The following ZBTB47 variants were observed in gnomAD, a reference collection of about 807,000 sequenced individuals.
ZBTB47 encodes the protein zinc finger and BTB domain containing 47, also known as zinc finger and BTB domain-containing protein 47.
In ZBTB47, 24 loss-of-function variants were observed where a neutral mutation model predicts 56.6. The ratio of observed to expected loss-of-function variants is 0.42; its 90% CI spans 0.31 to 0.60. The LOEUF is 0.60. Ranked by LOEUF, ZBTB47 falls within the 20% of genes least tolerant of loss-of-function variation. The pLI, the probability that ZBTB47 is intolerant of heterozygous loss-of-function variation, is 0.14. For synonymous variants in ZBTB47, 414 were observed against 418.9 expected (o/e 0.99, Z 0.14); for missense variants, 829 against 1,032.6 (o/e 0.80, Z 2.70).
rs1710668196 is a variant in ZBTB47, at chr3:42,658,636, C to T, written c.281C>T (p.Ser94Leu). 3 of 1,536,802 alleles carry T rather than the reference C, an allele frequency of 2.0e-6. No homozygotes were observed. Among genetic ancestry groups the T allele is most frequent in the African/African-American group, 2.7e-5 (2 of 73,074 alleles). The change falls in exon 2 of 6, where the codon TCA becomes TTA. Residue 94 changes from serine (S) to leucine (L), a missense_variant. By Grantham distance (145) the Ser-to-Leu change is moderately radical (BLOSUM62 -2). Coordinates refer to ENST00000232974, the MANE Select transcript of ZBTB47 (RefSeq NM_145166.4). ...GTCCACGAGGTGCTCAGCGCCGCCT[C>T]ATTGCTGCAGATGGCTGACATCGCT... ...ANVHEVLSAA[S>L]LLQMADIAAS... is the part of the protein sequence containing the mutation.
In ZBTB47 at chr3:42,654,134, C is replaced by T. The variant is rs1710603892; in HGVS notation, c.-82+251C>T. ...CGGATCCGGGGCCCGGCGCGCTCAGCTTCCTGATTTCACGGCAGCTTCCTA... is the reference window on the plus strand; with the variant it reads ...CGGATCCGGGGCCCGGCGCGCTCAGTTTCCTGATTTCACGGCAGCTTCCTA... On this transcript the variant is annotated intron_variant, in intron 1 of 5. Transcript: ENST00000232974. This position sits in a 1 kb window ranked among gnomAD's most constrained non-coding sequence, Gnocchi z 5.0. 1 of 152,100 alleles carries T rather than the reference C, an allele frequency of 6.6e-6. No individual in the cohort carries two copies. The highest frequency in any genetic ancestry group is 2.1e-4 in the South Asian group (1 of 4,824). The allele number at this position is 152,100 out of a possible 1,614,324, so 9.4% of individuals were successfully genotyped here.
chr3:42,654,599 C>G lies in ZBTB47; in HGVS notation c.-82+716C>G, dbSNP rs539437010. 1.9e-4 allele frequency: 168 copies of G among 861,618 alleles called. No homozygotes were observed. In the East Asian group the frequency reaches 7.8e-3, roughly 40 times the overall value. 53.4% of individuals were successfully genotyped at this position (861,618 alleles called of 1,614,324 possible). ...GTCGCGGGGCCCTGCGCGGGGGCGGCCCCCAGCGCGGCGCTTCATGGAGCG... is the reference window on the plus strand; with the variant it reads ...GTCGCGGGGCCCTGCGCGGGGGCGGGCCCCAGCGCGGCGCTTCATGGAGCG... On this transcript the variant is annotated intron_variant, in intron 1 of 5. Transcript: ENST00000232974. The surrounding 1 kb of genome is among the most constrained non-coding windows in gnomAD (Gnocchi z 5.0).
intron 1 of ZBTB47, among the ~76,000 whole-genome samples, chr3:42,657,945 G>A (rs566989025): frequency 6.6e-6 from 1 of 152,336 alleles, no homozygotes; most frequent in Admixed American, 6.5e-5. Context: ...AACCTGGATG[G>A]TTGGTCACTG....
Position 42,658,629 on chromosome 3 carries a change from G to A in ZBTB47, c.274G>A (p.Ala92Thr). 4 of 1,536,878 alleles carry A rather than the reference G, an allele frequency of 2.6e-6. No homozygotes were observed. Among genetic ancestry groups the A allele is most frequent in the Non-Finnish European group, 3.5e-6 (4 of 1,146,918 alleles). The change falls in exon 2 of 6, where the codon GCC becomes ACC. Residue 92 changes from alanine (A) to threonine (T), a missense_variant. Physicochemically the swap from Ala to Thr is moderately conservative, Grantham distance 58. This residue lies in a region of ZBTB47 where 120 missense variants were observed against 200.2 expected (regional missense o/e 0.60). Transcript: ENST00000232974. ...GGCCAACGTCCACGAGGTGCTCAGCGCCGCCTCATTGCTGCAGATGGCTGA... is the reference window on the plus strand; with the variant it reads ...GGCCAACGTCCACGAGGTGCTCAGCACCGCCTCATTGCTGCAGATGGCTGA... ...NAANVHEVLS[A>T]ASLLQMADIA...
At position 42,664,586 on chromosome 3, in the gene ZBTB47, C is replaced by G. The variant is rs116538894; in HGVS notation, c.2232C>G (p.Asn744Lys). 18 of 1,372,882 alleles carry G rather than the reference C, an allele frequency of 1.3e-5. No homozygotes were observed. The South Asian group carries it at 2.7e-4, about 20-fold the overall frequency. The allele number at this position is 1,372,882 out of a possible 1,614,324, so 85.0% of individuals were successfully genotyped here. Residue 744 changes from asparagine to lysine, a missense_variant, in exon 6 of 6, where the codon AAC (asparagine) becomes AAG (lysine). Asn to Lys is a moderately conservative substitution (Grantham distance 94). Coordinates refer to ENST00000232974, the MANE Select transcript of ZBTB47 (RefSeq NM_145166.4). ...CTGCCAGCCCCGGCGGGAGGATGAACGCCAACAACTAGCTGCCGAGCTGCA... is the reference window on the plus strand; with the variant it reads ...CTGCCAGCCCCGGCGGGAGGATGAAGGCCAACAACTAGCTGCCGAGCTGCA... ...PTTASPGGRM[N>K]ANN
chr3:42,659,339 AGAGGAGGAG>A lies in ZBTB47; in HGVS notation c.987_995del (p.Glu333_Glu335del), dbSNP rs751294873. 1.4e-6 allele frequency: 2 copies of A among 1,445,822 alleles called. No homozygotes were observed. Among genetic ancestry groups the A allele is most frequent in the African/African-American group, 2.9e-5 (2 of 69,868 alleles). The allele number at this position is 1,445,822 out of a possible 1,614,324, so 89.6% of individuals were successfully genotyped here. On this transcript the variant is annotated inframe_deletion, in exon 2 of 6. Transcript: ENST00000232974. ...ACGGGCACAGTGAGCAGGAAGAGGAAGAGGAGGAGGAAGAGGAGGAAGGGCCTAGTGAGC... is the reference window on the plus strand; with the variant it reads ...ACGGGCACAGTGAGCAGGAAGAGGAAGAAGAGGAGGAAGGGCCTAGTGAGC...
Position 42,654,251 on chromosome 3 carries a change from G to C in ZBTB47, c.-82+368G>C, listed in dbSNP as rs1361565185. On this transcript the variant is annotated intron_variant, in intron 1 of 5. Transcript: ENST00000232974. The surrounding 1 kb of genome is among the most constrained non-coding windows in gnomAD (Gnocchi z 5.0). ...CAGAAAGGAGGCTCAGCACGGGAGG[G>C]TGGGGCCGGGGTCTATCTGCTCGGA... 6.6e-6 allele frequency: 1 copy of C among 151,838 alleles called. No individual in the cohort carries two copies. The highest frequency in any genetic ancestry group is 1.5e-5 in the Non-Finnish European group (1 of 67,902). The allele number at this position is 151,838 out of a possible 1,614,324, so 9.4% of individuals were successfully genotyped here. A position where few individuals can be genotyped will look rare whatever the true frequency, so the allele number is the denominator to read the frequency against.
chr3:42,655,083 G>C lies in ZBTB47; in HGVS notation c.-82+1200G>C, dbSNP rs573960005. Among the ~76,000 whole-genome samples, 6 of 152,324 alleles carry C rather than the reference G, an allele frequency of 3.9e-5. No homozygotes were observed. In the South Asian group the frequency reaches 1.2e-3, roughly 32 times the overall value. On this transcript the variant is annotated intron_variant, in intron 1 of 5. Coordinates refer to ENST00000232974, the MANE Select transcript of ZBTB47 (RefSeq NM_145166.4). The stretch of plus-strand genomic sequence containing the variant: ...CCTGCCTGGGGATTCGGGATGACCC[G>C]GGCCAAGGGGGTGTGGGAGGACACC...
Position 42,654,671 on chromosome 3 carries a change from G to A in ZBTB47, c.-82+788G>A, listed in dbSNP as rs1019795085. The A allele has an allele frequency of 1.0e-5, 10 of 984,724 alleles. No individual in the cohort carries two copies. In the African/African-American group the frequency reaches 1.6e-4, roughly 16 times the overall value. 61.0% of individuals were successfully genotyped at this position (984,724 alleles called of 1,614,324 possible). On this transcript the variant is annotated intron_variant, in intron 1 of 5. Transcript: ENST00000232974. This position sits in a 1 kb window ranked among gnomAD's most constrained non-coding sequence, Gnocchi z 5.0. ...GCAGCGCGATCCCGCGGGGCCCTGT[G>A]AGCCCCCAGCGCCACGGCACCATGG...
Position 42,666,945 on chromosome 3 carries a change from G to A in ZBTB47, c.*2347G>A, listed in dbSNP as rs1482367380. On this transcript the variant is annotated 3_prime_UTR_variant, in exon 6 of 6. Transcript: ENST00000232974. ...CTGGGGATAGGAGCCTGTGTCCCTG[G>A]TGCTAAGCACTCTCTTCACTTGGGC... 6.6e-6 allele frequency among the ~76,000 whole-genome samples: 1 copy of A among 152,236 alleles called. No individual in the cohort carries two copies. The highest frequency in any genetic ancestry group is 2.4e-5 in the African/African-American group (1 of 41,456).
In ZBTB47 at chr3:42,654,810, C is replaced by A; in HGVS notation, c.-82+927C>A. 1 of 602,306 alleles carries A rather than the reference C, an allele frequency of 1.7e-6. No homozygotes were observed. The highest frequency in any genetic ancestry group is 2.1e-6 in the Non-Finnish European group (1 of 479,500). 37.3% of individuals were successfully genotyped at this position (602,306 alleles called of 1,614,324 possible). A position where few individuals can be genotyped will look rare whatever the true frequency, so the allele number is the denominator to read the frequency against. The stretch of plus-strand genomic sequence containing the variant: ...GGCTGGAGGGATCTTCCCCCCTCCC[C>A]CGGTCTCCCGGCTCCATCTGCTGGG... On this transcript the variant is annotated intron_variant, in intron 1 of 5. Transcript: ENST00000232974. The surrounding 1 kb of genome is among the most constrained non-coding windows in gnomAD (Gnocchi z 5.0).
rs1162611651 is a variant in ZBTB47 at position 42,658,328 on chromosome 3, G to A, written c.-28G>A. 1 of 1,511,706 alleles carries A rather than the reference G, an allele frequency of 6.6e-7. No homozygotes were observed. The highest frequency in any genetic ancestry group is 2.5e-5 in the East Asian group (1 of 40,686). The allele number at this position is 1,511,706 out of a possible 1,614,324, so 93.6% of individuals were successfully genotyped here. A position where few individuals can be genotyped will look rare whatever the true frequency, so the allele number is the denominator to read the frequency against. ...CGGCGGCTGAGTTCTCGCTGGTGGA[G>A]GACGTGGCGCTGCACTTTGCCTGCT... On this transcript the variant is annotated 5_prime_UTR_variant, in exon 2 of 6. Transcript: ENST00000232974.
chr3:42,654,834 G>A lies in ZBTB47; in HGVS notation c.-82+951G>A. ...CCCGGTCTCCCGGCTCCATCTGCTG[G>A]GTCCCGCGGGCCGGGAATGCGGCGC... On this transcript the variant is annotated intron_variant, in intron 1 of 5. Coordinates refer to ENST00000232974, the MANE Select transcript of ZBTB47 (RefSeq NM_145166.4). This position sits in a 1 kb window ranked among gnomAD's most constrained non-coding sequence, Gnocchi z 5.0. The A allele has an allele frequency of 2.2e-6, 1 of 449,216 alleles. No homozygotes were observed. The highest frequency in any genetic ancestry group is 2.9e-6 in the Non-Finnish European group (1 of 339,682). 27.8% of individuals were successfully genotyped at this position (449,216 alleles called of 1,614,324 possible).
chr3:42,665,237 G>A lies in ZBTB47; in HGVS notation c.*639G>A, dbSNP rs1168471585. ...CTGCAGACCAGTGCTTCACTGTGTG[G>A]AGTGGGGCAGGCAGGGGCTGGACCC... On this transcript the variant is annotated 3_prime_UTR_variant, in exon 6 of 6. Transcript: ENST00000232974. 6.6e-6 allele frequency: 1 copy of A among 152,466 alleles called. No homozygotes were observed. Among genetic ancestry groups the A allele is most frequent in the Non-Finnish European group, 1.5e-5 (1 of 68,134 alleles). 9.4% of individuals were successfully genotyped at this position (152,466 alleles called of 1,614,324 possible). A position where few individuals can be genotyped will look rare whatever the true frequency, so the allele number is the denominator to read the frequency against.
rs1158639510 is a variant in ZBTB47, at chr3:42,664,134, C to T, written c.1883-103C>T. 6.0e-6 allele frequency: 9 copies of T among 1,508,844 alleles called. No homozygotes were observed. The African/African-American group carries it at 1.1e-4, about 19-fold the overall frequency. 93.5% of individuals were successfully genotyped at this position (1,508,844 alleles called of 1,614,324 possible). ...AGGGTCGGGGAGGATCTGAGAGCGC[C>T]GGGGCTGGGCCCCACTATGGCTCCA... On this transcript the variant is annotated intron_variant, in intron 5 of 5. Transcript: ENST00000232974.
At position 42,663,671 on chromosome 3, in the gene ZBTB47, A is replaced by G; in HGVS notation, c.1738-126A>G. The stretch of plus-strand genomic sequence containing the variant: ...CACCTCGGCTTGCCCTCATGTCCCC[A>G]TCTCCTTGCCCAGGAGCCCCTGAGT... On this transcript the variant is annotated intron_variant, in intron 4 of 5. Coordinates refer to ENST00000232974, the MANE Select transcript of ZBTB47 (RefSeq NM_145166.4). The surrounding 1 kb of genome is among the most constrained non-coding windows in gnomAD (Gnocchi z 5.1). 7.9e-7 allele frequency: 1 copy of G among 1,270,318 alleles called. No homozygotes were observed. The highest frequency in any genetic ancestry group is 1.1e-6 in the Non-Finnish European group (1 of 924,242). The allele number at this position is 1,270,318 out of a possible 1,614,324, so 78.7% of individuals were successfully genotyped here. A position where few individuals can be genotyped will look rare whatever the true frequency, so the allele number is the denominator to read the frequency against.
chr3:42,667,143 T>C lies in ZBTB47; in HGVS notation c.*2545T>C, dbSNP rs1289984951. ...CCCCCAGATGTCAGAATGAGGCGAC[T>C]AGGGCACCATACTCACTTTCCAGGG... On this transcript the variant is annotated 3_prime_UTR_variant, in exon 6 of 6. Coordinates refer to ENST00000232974, the MANE Select transcript of ZBTB47 (RefSeq NM_145166.4). 6.6e-6 allele frequency among the ~76,000 whole-genome samples: 1 copy of C among 152,246 alleles called. No individual in the cohort carries two copies. Among genetic ancestry groups the C allele is most frequent in the Non-Finnish European group, 1.5e-5 (1 of 68,042 alleles).
intron 1 of ZBTB47, among the ~76,000 whole-genome samples, 193 bp from the exon 2 acceptor site, chr3:42,658,082 G>A (rs2125836612): frequency 6.6e-6 from 1 of 152,358 alleles, no homozygotes. Flanking sequence ...GGTCACGAGT[G>A]GAGCCTGAGC....
At position 42,658,371 on chromosome 3, in the gene ZBTB47, G is replaced by A. The variant is rs1179913743; in HGVS notation, c.16G>A (p.Glu6Lys). Residue 6 changes from glutamate to lysine, a missense_variant, in exon 2 of 6, where the codon GAG becomes AAG. Coordinates refer to ENST00000232974, the MANE Select transcript of ZBTB47 (RefSeq NM_145166.4). ...TGCCTGCTTGATGGGCCGCCTGAACGAGCAGCGCCTCTTCCAGCCTGACCT... is the reference window on the plus strand; with the variant it reads ...TGCCTGCTTGATGGGCCGCCTGAACAAGCAGCGCCTCTTCCAGCCTGACCT... MGRLN[E>K]QRLFQPDLCD... 5.2e-6 allele frequency: 8 copies of A among 1,534,570 alleles called. No homozygotes were observed. The highest frequency in any genetic ancestry group is 2.7e-5 in the African/African-American group (2 of 73,018).
Sources: gnomAD v4.1 joint callset for allele counts (sites outside exome capture counted in the v4.1 genomes callset) on GRCh38, gnomAD v4.1.1 for gene constraint, gnomAD v4.1.1 regional missense constraint, Gnocchi (gnomAD v3.1) non-coding constraint, MANE v1.5 for transcripts, NCBI Gene and HGNC (gene_info 2026-07-23, HGNC 2026-07-21) for gene names.